Variants in CPNE9 observed in about 807,000 individuals in gnomAD.
CPNE9 encodes copine-9.
A neutral mutation model predicts 83.0 loss-of-function variants in CPNE9; 59 were observed. The observed-to-expected ratio is 0.71, with a 90% CI of 0.58 to 0.88. The LOEUF is 0.88. Among genes scored for constraint, CPNE9 ranks in the 40% least tolerant of loss-of-function variants. The pLI is 0.00. For synonymous variants in CPNE9, 256 were observed against 273.4 expected (o/e 0.94, Z 0.63); for missense variants, 619 against 720.8 (o/e 0.86, Z 1.62).
intron 17 of CPNE9, among the ~76,000 whole-genome samples, chr3:9,724,364 G>A (rs909535740): frequency 4.6e-5 from 7 of 152,278 alleles, no homozygotes; most frequent in Admixed American, 2.6e-4. Flanking sequence ...CAGCAGCCCA[G>A]GCGATGAGAT....
At position 9,708,880 on chromosome 3, in the gene CPNE9, C is replaced by T. The variant is rs529305482; in HGVS notation, c.377+2817C>T. On this transcript the variant is annotated intron_variant, in intron 7 of 20. Coordinates refer to ENST00000383832, the MANE Select transcript of CPNE9 (RefSeq NM_153635.3). Reference sequence around the variant, plus strand: ...CGATCTCCTGACCTCATGATCCGCCCGCCTCGGCCTCCCAAAGTACTGGGA... The same window carrying T: ...CGATCTCCTGACCTCATGATCCGCCTGCCTCGGCCTCCCAAAGTACTGGGA... Among the ~76,000 whole-genome samples the T allele has an allele frequency of 3.6e-4, 55 of 151,666 alleles. 1 individual carries two copies. Among genetic ancestry groups the T allele is most frequent in the Non-Finnish European group, 5.9e-4 (40 of 67,864 alleles).
In CPNE9 at chr3:9,704,126, G is replaced by A. The variant is rs918038623; in HGVS notation, c.68+62G>A. On this transcript the variant is annotated intron_variant, in intron 1 of 20. Transcript: ENST00000383832. The surrounding 1 kb of genome is among the most constrained non-coding windows in gnomAD (Gnocchi z 7.1). ...CACTGCCCCAGCCCCAGCCAGCCGC[G>A]GGGCTCAGCCTGGGCAGGGGCTAGA... The A allele has an allele frequency of 1.3e-6, 2 of 1,517,860 alleles. No homozygotes were observed. The highest frequency in any genetic ancestry group is 1.4e-5 in the African/African-American group (1 of 72,058). 94.0% of individuals were successfully genotyped at this position (1,517,860 alleles called of 1,614,324 possible). A position where few individuals can be genotyped will look rare whatever the true frequency, so the allele number is the denominator to read the frequency against.
At chr3:9,717,987 G>A (rs2125470542) in intron 15 of CPNE9, 42 bp from the exon 16 acceptor site, 1 of 1,536,746 alleles carries the variant, frequency 6.5e-7, no homozygotes, top group Non-Finnish European at 8.8e-7. Flanking sequence ...ACAGATGGAT[G>A]ATCCAGATGA....
intron 18 of CPNE9, 47 bp downstream of exon 18, chr3:9,726,098 T>A: frequency 8.3e-7 from 1 of 1,202,974 alleles, no homozygotes. Flanking sequence ...ATGTCAATAC[T>A]GTGAAGGGGC....
At chr3:9,713,737 G>T (rs1389522001) in intron 10 of CPNE9, among the ~76,000 whole-genome samples, 1 of 152,100 alleles carries the variant, frequency 6.6e-6, no homozygotes, top group African/African-American at 2.4e-5. Context: ...AAATTAGATG[G>T]ATAGGCCAAC....
Position 9,727,187 on chromosome 3 carries a change from G to A in CPNE9, c.1476+1G>A. ...CTACGCAGAGCGGGACATCGTTCAG[G>A]TAGACCTGACGTGGGAGAGGCTGTG... On this transcript the variant is annotated splice_donor_variant, in intron 20 of 20. Coordinates refer to ENST00000383832, the MANE Select transcript of CPNE9 (RefSeq NM_153635.3). LOFTEE classifies it high-confidence loss of function. 1 of 1,614,232 alleles carries A rather than the reference G, an allele frequency of 6.2e-7. No homozygotes were observed. Among genetic ancestry groups the A allele is most frequent in the Non-Finnish European group, 8.5e-7 (1 of 1,180,036 alleles).
chr3:9,708,280 T>G, intron 7 of CPNE9, among the ~76,000 whole-genome samples: 1 of 151,940 alleles, frequency 6.6e-6, no homozygotes, highest in Non-Finnish European at 1.5e-5. Context: ...GCCATGCTAT[T>G]AGATGAGATC....
chr3:9,717,082 C>G lies in CPNE9; in HGVS notation c.909C>G (p.Ala303=). The G allele has an allele frequency of 6.2e-7, 1 of 1,614,176 alleles. No homozygotes were observed. Among genetic ancestry groups the G allele is most frequent in the Non-Finnish European group, 8.5e-7 (1 of 1,180,038 alleles). The part of the protein sequence containing the change: ...KGGTQLNFTV[A]IDFTASNGNP... ...GGACACAGCTGAACTTCACAGTAGC[C>G]ATTGACTTCACGGCTTCCAATGGTG... Residue 303 remains alanine (A), a synonymous_variant, in exon 15 of 21, where the codon GCC becomes GCG. Transcript: ENST00000383832.
intron 20 of CPNE9, 92 bp from the exon 21 acceptor site, chr3:9,729,415 A>C: frequency 1.3e-6 from 2 of 1,483,250 alleles, no homozygotes; most frequent in Non-Finnish European, 9.0e-7. Flanking sequence ...TTGGAAAGAG[A>C]TGCTGGGGAT....
At chr3:9,709,479 C>T (rs1375101871) in intron 7 of CPNE9, among the ~76,000 whole-genome samples, 1 of 150,112 alleles carries the variant, frequency 6.7e-6, no homozygotes, top group African/African-American at 2.4e-5. Context: ...AGCGATTCTC[C>T]TGCCTCAGCC....
chr3:9,722,567 G>A (rs925305543), intron 17 of CPNE9, among the ~76,000 whole-genome samples: 2 of 151,706 alleles, frequency 1.3e-5, no homozygotes, highest in Admixed American at 1.3e-4. Context: ...CTGGAGTGTA[G>A]TGGTACCATT....
In CPNE9 at chr3:9,709,416, T is replaced by A. The variant is rs1353392998; in HGVS notation, c.378-3125T>A. On this transcript the variant is annotated intron_variant, in intron 7 of 20. Transcript: ENST00000383832. ...TCTCACTCTGTCGCCCAGGCTGGAG[T>A]GCAGTGGTGTGGTGTGATCTTGGCC... 5.5e-5 allele frequency among the ~76,000 whole-genome samples: 8 copies of A among 144,734 alleles called. No homozygotes were observed. In the East Asian group the frequency reaches 1.1e-3, roughly 19 times the overall value. The allele number at this position is 144,734 out of a possible 152,430, so 95.0% of individuals were successfully genotyped here. A position where few individuals can be genotyped will look rare whatever the true frequency, so the allele number is the denominator to read the frequency against.
chr3:9,711,295 C>T (rs540893725), intron 7 of CPNE9, among the ~76,000 whole-genome samples: 5 of 152,164 alleles, frequency 3.3e-5, no homozygotes, highest in East Asian at 3.9e-4. Flanking sequence ...CTCTGCTTCC[C>T]GGGTTCAAGC....
At chr3:9,709,981 C>T (rs2076609682) in intron 7 of CPNE9, among the ~76,000 whole-genome samples, 1 of 144,706 alleles carries the variant, frequency 6.9e-6, no homozygotes, top group African/African-American at 2.6e-5. Context: ...CAAAGCAAGA[C>T]TCCATCTCAA....
At chr3:9,722,824 T>C (rs1209835108) in intron 17 of CPNE9, among the ~76,000 whole-genome samples, 1 of 152,192 alleles carries the variant, frequency 6.6e-6, no homozygotes, top group Non-Finnish European at 1.5e-5. Flanking sequence ...CTCTCCGCTG[T>C]AGTTCTACAT....
intron 15 of CPNE9, among the ~76,000 whole-genome samples, 186 bp from the exon 16 acceptor site, chr3:9,717,843 G>C (rs1250668643): frequency 1.3e-5 from 2 of 152,134 alleles, no homozygotes; most frequent in Admixed American, 1.3e-4. Flanking sequence ...TGGATGAATA[G>C]ATATAGGGAT....
chr3:9,725,678 A>ATGTATG (rs2076775732), intron 17 of CPNE9, among the ~76,000 whole-genome samples: 1 of 57,342 alleles, frequency 1.7e-5, no homozygotes, highest in African/African-American at 1.4e-4. Context: ...ATATATGTGT[A>ATGTATG]TATATATATA....
At chr3:9,716,129 C>T in intron 14 of CPNE9, 94 bp downstream of exon 14, 1 of 1,069,342 alleles carries the variant, frequency 9.4e-7, no homozygotes, top group Non-Finnish European at 1.4e-6. Flanking sequence ...GGTCAGGGCC[C>T]AGTGAGACCA....
At chr3:9,708,782 G>A (rs541137369) in intron 7 of CPNE9, among the ~76,000 whole-genome samples, 9 of 151,950 alleles carry the variant, frequency 5.9e-5, no homozygotes, top group South Asian at 2.1e-4. Context: ...ACAGGCACCC[G>A]CCACCATGCC....
Sources: gnomAD v4.1 joint callset for allele counts (sites outside exome capture counted in the v4.1 genomes callset) on GRCh38, gnomAD v4.1.1 for gene constraint, Gnocchi (gnomAD v3.1) non-coding constraint, MANE v1.5 for transcripts, NCBI Gene and HGNC (gene_info 2026-07-23, HGNC 2026-07-21) for gene names.